The following DPF3 variants were observed in gnomAD, a reference collection of about 807,000 sequenced individuals.
DPF3 encodes the protein double PHD fingers 3.
Under a neutral mutation model 56.8 loss-of-function variants are expected in DPF3, and 18 were observed. The observed-to-expected ratio is 0.32, with a 90% CI of 0.22 to 0.47. The LOEUF is 0.47. Ranked by LOEUF, DPF3 falls within the 20% of genes least tolerant of loss-of-function variation. DPF3 has a pLI of 1.00. For synonymous variants in DPF3, 188 were observed against 180.2 expected, an observed-to-expected ratio of 1.04 and a Z score of -0.35; for missense variants, 403 against 488.8, an observed-to-expected ratio of 0.82 and a Z score of 1.65.
At position 72,774,262 on chromosome 14, in the gene DPF3, TAAAAAAAAAAAAAAAA is replaced by T. The variant is rs777564213; in HGVS notation, c.33-2385_33-2370del. 1.1e-4 allele frequency among the ~76,000 whole-genome samples: 7 copies of T among 61,008 alleles called. No homozygotes were observed. In the Admixed American group the frequency reaches 1.4e-3, roughly 12 times the overall value. 40.0% of individuals were successfully genotyped at this position (61,008 alleles called of 152,430 possible). A position where few individuals can be genotyped will look rare whatever the true frequency, so the allele number is the denominator to read the frequency against. Reference sequence around the variant, plus strand: ...CTGGGCGACAGGGTGAGACTCTGTCTAAAAAAAAAAAAAAAAAAAAAAAAAAACCTGCTTTCAGTTC... The same window carrying T: ...CTGGGCGACAGGGTGAGACTCTGTCTAAAAAAAAAAACCTGCTTTCAGTTC... On this transcript the variant is annotated intron_variant, in intron 1 of 10. Coordinates refer to ENST00000556509, the MANE Select transcript of DPF3 (RefSeq NM_001280542.3).
At chr14:72,745,134 G>A (rs896302006) in intron 3 of DPF3, among the ~76,000 whole-genome samples, 28 of 152,192 alleles carry the variant, frequency 1.8e-4, no homozygotes, top group Non-Finnish European at 3.4e-4. Flanking sequence ...TGGTTGGTTG[G>A]GTTCTTTCCA....
At position 72,845,289 on chromosome 14, in the gene DPF3, C is replaced by T. The variant is rs184311724; in HGVS notation, c.32+48768G>A. Among the ~76,000 whole-genome samples, 12 of 152,298 alleles carry T rather than the reference C, an allele frequency of 7.9e-5. No individual in the cohort carries two copies. The East Asian group carries it at 1.9e-3, about 25-fold the overall frequency. On this transcript the variant is annotated intron_variant, in intron 1 of 10. Transcript: ENST00000556509. ...AGAAATGAGGTACACAGGGAGAAAA[C>T]GTGGATGAAAACCCTAGACTATGGC...
chr14:72,677,641 T>C (rs1886971763), intron 7 of DPF3, among the ~76,000 whole-genome samples: 1 of 152,142 alleles, frequency 6.6e-6, no homozygotes. Context: ...TAGAGAGGGA[T>C]GGCAGGGATG....
chr14:72,618,765 AG>A lies in DPF3; in HGVS notation c.*531del, dbSNP rs1884242615. Among the ~76,000 whole-genome samples the A allele has an allele frequency of 6.6e-6, 1 of 152,214 alleles. No individual in the cohort carries two copies. The highest frequency in any genetic ancestry group is 1.5e-5 in the Non-Finnish European group (1 of 68,040). On this transcript the variant is annotated 3_prime_UTR_variant, in exon 11 of 11. Transcript: ENST00000556509. ...CTCCACAGACACCAAGGAACAAGAA[AG>A]GGTTTCAAGACCCCAAGTCTAGAAG...
intron 2 of DPF3, among the ~76,000 whole-genome samples, chr14:72,767,662 T>A (rs187797778): frequency 1.9e-4 from 28 of 145,994 alleles, no homozygotes; most frequent in Admixed American, 1.8e-3. Flanking sequence ...ACAAAAGATC[T>A]AACATTTGTG....
intron 1 of DPF3, among the ~76,000 whole-genome samples, chr14:72,792,779 C>A (rs1892494827): frequency 6.6e-6 from 1 of 152,070 alleles, no homozygotes; most frequent in South Asian, 2.1e-4. Context: ...CCAGTGTGGC[C>A]CAAATCTCCA....
chr14:72,761,325 TA>T (rs1182738099), intron 2 of DPF3, among the ~76,000 whole-genome samples: 2 of 152,202 alleles, frequency 1.3e-5, no homozygotes, highest in East Asian at 1.9e-4. Flanking sequence ...TTTGGTGCCA[TA>T]AAACAAGTTG....
In DPF3 at chr14:72,699,517, CAA is replaced by C. The variant is rs35540991; in HGVS notation, c.605-6306_605-6305del. Among the ~76,000 whole-genome samples the C allele has an allele frequency of 8.6e-3, 530 of 61,596 alleles. 1 individual carries two copies. The highest frequency in any genetic ancestry group is 0.028 in the African/African-American group (487 of 17,306). 40.4% of individuals were successfully genotyped at this position (61,596 alleles called of 152,430 possible). A position where few individuals can be genotyped will look rare whatever the true frequency, so the allele number is the denominator to read the frequency against. ...AGCCTGGGTGACAGAGATTCTGTCT[CAA>C]AAAAAAAAAAAAAAAAAAAAATTAG... On this transcript the variant is annotated intron_variant, in intron 6 of 10. Coordinates refer to ENST00000556509, the MANE Select transcript of DPF3 (RefSeq NM_001280542.3).
chr14:72,626,528 G>A (rs1203816906), intron 9 of DPF3, among the ~76,000 whole-genome samples: 1 of 151,978 alleles, frequency 6.6e-6, no homozygotes, highest in Admixed American at 6.6e-5. Flanking sequence ...CTTTTTTACA[G>A]CTGTATAGTA....
chr14:72,840,475 G>T (rs367623357), intron 1 of DPF3, among the ~76,000 whole-genome samples: 1 of 152,098 alleles, frequency 6.6e-6, no homozygotes, highest in African/African-American at 2.4e-5. Flanking sequence ...CAGGCGGCCC[G>T]TGTTAACATC....
intron 3 of DPF3, among the ~76,000 whole-genome samples, chr14:72,751,204 A>C (rs1599408698): frequency 6.6e-6 from 1 of 152,180 alleles, no homozygotes; most frequent in East Asian, 1.9e-4. Context: ...ACAAAAATTA[A>C]AAAATAAAAT....
At chr14:72,846,233 C>A (rs941322314) in intron 1 of DPF3, among the ~76,000 whole-genome samples, 2 of 151,730 alleles carry the variant, frequency 1.3e-5, no homozygotes, top group South Asian at 2.1e-4. Context: ...GTCTCAGCCT[C>A]CCGAGTAGCT....
chr14:72,757,210 A>T (rs375191352), intron 2 of DPF3, among the ~76,000 whole-genome samples: 1 of 152,284 alleles, frequency 6.6e-6, no homozygotes, highest in South Asian at 2.1e-4. Context: ...CCAGAGCTGA[A>T]CTGTGGCAGT....
At chr14:72,853,146 G>A (rs1176733250) in intron 1 of DPF3, 1 of 151,830 alleles carries the variant, frequency 6.6e-6, no homozygotes, top group African/African-American at 2.4e-5. Flanking sequence ...TGGACAGACA[G>A]AGAGAAAACC....
At chr14:72,798,164 G>A (rs986328828) in intron 1 of DPF3, among the ~76,000 whole-genome samples, 1 of 139,962 alleles carries the variant, frequency 7.1e-6, no homozygotes, top group Non-Finnish European at 1.5e-5. Flanking sequence ...TGAGGCAGGA[G>A]AATTGATTGA....
intron 3 of DPF3, 107 bp downstream of exon 3, chr14:72,753,156 GA>G: frequency 1.0e-6 from 1 of 972,536 alleles, no homozygotes; most frequent in Non-Finnish European, 1.5e-6. Flanking sequence ...CCCTCTCCCA[GA>G]AAACTTAGCT....
chr14:72,731,826 T>C lies in DPF3; in HGVS notation c.410A>G (p.Glu137Gly). ...VEKKVDAREE[E>G]SIQEIQRVLE... ...GAATACCTGTATTTCCTGGATGCTT[T>C]CCTCCTCCCTGGCATCCACCTTCTT... The change falls in exon 4 of 11, where the codon GAA becomes GGA. Residue 137 changes from glutamate to glycine, a missense_variant. By Grantham distance (98) the Glu-to-Gly change is moderately conservative. Around this residue, in one of 2 missense-constraint regions of DPF3, gnomAD observed 340 missense variants for 374.3 expected, o/e 0.91. Transcript: ENST00000556509. The C allele has an allele frequency of 5.6e-6, 9 of 1,613,442 alleles. No individual in the cohort carries two copies. Among genetic ancestry groups the C allele is most frequent in the Non-Finnish European group, 7.6e-6 (9 of 1,179,722 alleles).
intron 1 of DPF3, among the ~76,000 whole-genome samples, chr14:72,858,126 G>A (rs1183259270): frequency 3.3e-5 from 5 of 151,900 alleles, no homozygotes; most frequent in East Asian, 3.9e-4. Context: ...GCAACATGGC[G>A]AAACCCCATC....
intron 1 of DPF3, among the ~76,000 whole-genome samples, chr14:72,830,452 T>C (rs559658125): frequency 6.6e-6 from 1 of 152,348 alleles, no homozygotes; most frequent in South Asian, 2.1e-4. Context: ...AGGTGAAGAA[T>C]GTGGAATTTG....
Sources: allele counts gnomAD v4.1 joint callset (sites outside exome capture counted in the v4.1 genomes callset), GRCh38; gene constraint gnomAD v4.1.1; regional missense constraint gnomAD v4.1.1; transcripts MANE v1.5; gene names NCBI Gene and HGNC (gene_info 2026-07-23, HGNC 2026-07-21).